The following BANK1 variants were observed in gnomAD, a reference collection of about 807,000 sequenced individuals.
BANK1 encodes B cell scaffold protein with ankyrin repeats 1.
Under a neutral mutation model 94.5 loss-of-function variants are expected in BANK1, and 95 were observed. The observed-to-expected ratio is 1.00, with a 90% confidence interval of 0.85 to 1.19. The LOEUF (loss-of-function observed/expected upper bound fraction) is 1.19, where lower values mean the gene tolerates loss of function less well. Ranked by LOEUF, BANK1 falls within the 50% of genes most tolerant of loss-of-function variation. BANK1 has a pLI of 0.00. For missense variants in BANK1, 987 were observed against 932.2 expected (o/e 1.06, Z -0.77); for synonymous variants, 334 against 308.4 (o/e 1.08, Z -0.87).
chr4:102,010,202 T>C (rs1299821138), intron 7 of BANK1, among the ~76,000 whole-genome samples: 1 of 151,552 alleles, frequency 6.6e-6, no homozygotes, highest in African/African-American at 2.4e-5. Flanking sequence ...GAGGCAGAGC[T>C]TGCAGTGAGC....
At chr4:101,831,738 G>C (rs556827521) in intron 2 of BANK1, among the ~76,000 whole-genome samples, 172 of 152,336 alleles carry the variant, frequency 1.1e-3, no homozygotes, top group African/African-American at 3.9e-3. Context: ...GCCTCCTAAA[G>C]TGTTGGGATT....
chr4:101,962,393 T>C (rs1305121014), intron 7 of BANK1, among the ~76,000 whole-genome samples: 1 of 152,174 alleles, frequency 6.6e-6, no homozygotes, highest in Non-Finnish European at 1.5e-5. Flanking sequence ...CTTTTCTGTT[T>C]TCCCTTCCAC....
At chr4:101,928,331 CT>C (rs1372615278) in intron 7 of BANK1, among the ~76,000 whole-genome samples, 1 of 151,560 alleles carries the variant, frequency 6.6e-6, no homozygotes, top group African/African-American at 2.4e-5. Context: ...GTTTGGAATC[CT>C]TCAAGAAAAT....
chr4:101,794,147 A>G (rs1725079840), intron 1 of BANK1, among the ~76,000 whole-genome samples: 1 of 152,154 alleles, frequency 6.6e-6, no homozygotes, highest in East Asian at 1.9e-4. Context: ...GCAGGAAAGA[A>G]TAAAGAAGGA....
At chr4:102,073,461 C>T (rs1367026521) in intron 15 of BANK1, among the ~76,000 whole-genome samples, 1 of 151,896 alleles carries the variant, frequency 6.6e-6, no homozygotes, top group Non-Finnish European at 1.5e-5. Context: ...TTAAAATGTT[C>T]TGCAAAATGG....
chr4:101,798,952 G>A (rs561369011), intron 1 of BANK1, among the ~76,000 whole-genome samples: 9 of 152,248 alleles, frequency 5.9e-5, no homozygotes, highest in African/African-American at 1.9e-4. Context: ...CTGTGCAGAA[G>A]CTCTTTAGTT....
At chr4:101,915,983 C>A (rs761668787) in intron 6 of BANK1, among the ~76,000 whole-genome samples, 1 of 152,004 alleles carries the variant, frequency 6.6e-6, no homozygotes, top group Non-Finnish European at 1.5e-5. Context: ...AATAACATTT[C>A]ATCAGATTTC....
At chr4:101,879,785 A>G (rs141438008) in intron 5 of BANK1, among the ~76,000 whole-genome samples, 64 of 152,162 alleles carry the variant, frequency 4.2e-4, no homozygotes, top group African/African-American at 1.5e-3. Context: ...GATGTTTCAA[A>G]ATATGCAAAT....
At chr4:102,063,872 G>A (rs955989351) in intron 13 of BANK1, among the ~76,000 whole-genome samples, 2 of 149,786 alleles carry the variant, frequency 1.3e-5, no homozygotes, top group Non-Finnish European at 3.0e-5. Flanking sequence ...TTTTTAATAA[G>A]TTAAAATATT....
At chr4:101,942,616 A>G (rs1723791067) in intron 7 of BANK1, among the ~76,000 whole-genome samples, 1 of 151,914 alleles carries the variant, frequency 6.6e-6, no homozygotes, top group Admixed American at 6.6e-5. Flanking sequence ...TCTTTACAAA[A>G]GGAATCCTGA....
intron 1 of BANK1, among the ~76,000 whole-genome samples, chr4:101,794,064 G>T (rs1411371846): frequency 6.6e-6 from 1 of 152,058 alleles, no homozygotes; most frequent in African/African-American, 2.4e-5. Context: ...TAATAGTTCT[G>T]AAAGGAGAAA....
chr4:101,798,439 T>C (rs1361230908), intron 1 of BANK1, among the ~76,000 whole-genome samples: 1 of 152,226 alleles, frequency 6.6e-6, no homozygotes, highest in East Asian at 1.9e-4. Flanking sequence ...TGAATTCCAT[T>C]AGTAATACAT....
intron 2 of BANK1, 27 bp from the exon 3 acceptor site, chr4:101,855,008 A>G: frequency 6.4e-7 from 1 of 1,557,216 alleles, no homozygotes; most frequent in Non-Finnish European, 8.8e-7. Context: ...GTTATATTAT[A>G]ATCTACATTC....
rs186044297 is a variant in BANK1, at chr4:102,036,487, C to T, written c.1900+6222C>T. ...TCTTAGATCAACTGCCTTGGATCCTCCTCCCTGGATAGGTGACCTTGTCCA... is the reference window on the plus strand; with the variant it reads ...TCTTAGATCAACTGCCTTGGATCCTTCTCCCTGGATAGGTGACCTTGTCCA... On this transcript the variant is annotated intron_variant, in intron 10 of 16. Coordinates refer to ENST00000322953, the MANE Select transcript of BANK1 (RefSeq NM_017935.5). 6.6e-5 allele frequency among the ~76,000 whole-genome samples: 10 copies of T among 152,266 alleles called. No individual in the cohort carries two copies. The East Asian group carries it at 1.9e-3, about 29-fold the overall frequency.
At chr4:102,049,587 G>T (rs2850397) in intron 11 of BANK1, among the ~76,000 whole-genome samples, 97,043 of 151,978 alleles carry the variant, frequency 0.64, 31,700 homozygotes, top group African/African-American at 0.76. Context: ...GGGCAAAAGG[G>T]TAGTGTAGGC....
chr4:101,872,612 GC>G (rs1331176326), intron 5 of BANK1, among the ~76,000 whole-genome samples: 2 of 152,116 alleles, frequency 1.3e-5, no homozygotes, highest in Non-Finnish European at 2.9e-5. Context: ...AGTTGTCCTA[GC>G]CCACACTGTG....
At chr4:101,940,806 G>A (rs1053802366) in intron 7 of BANK1, among the ~76,000 whole-genome samples, 2 of 151,714 alleles carry the variant, frequency 1.3e-5, no homozygotes, top group African/African-American at 2.4e-5. Context: ...CATTGCTGAT[G>A]GATGTTTCCC....
intron 1 of BANK1, among the ~76,000 whole-genome samples, chr4:101,801,532 A>G (rs1725356479): frequency 6.6e-6 from 1 of 152,234 alleles, no homozygotes; most frequent in Non-Finnish European, 1.5e-5. Context: ...TAAAAATGTG[A>G]GCAAAATTCA....
chr4:101,818,367 A>ATACC (rs1213581824), intron 1 of BANK1, among the ~76,000 whole-genome samples: 1 of 152,218 alleles, frequency 6.6e-6, no homozygotes, highest in Non-Finnish European at 1.5e-5. Context: ...GTTAATATGA[A>ATACC]TACCTGGTTA....
Sources: gnomAD v4.1 joint callset for allele counts (sites outside exome capture counted in the v4.1 genomes callset) on GRCh38, gnomAD v4.1.1 for gene constraint, MANE v1.5 for transcripts, NCBI Gene and HGNC (gene_info 2026-07-23, HGNC 2026-07-21) for gene names.